The following PRKN variants were observed in gnomAD, a reference collection of about 807,000 sequenced individuals.
PRKN encodes parkin RBR E3 ubiquitin protein ligase, also known as E3 ubiquitin-protein ligase parkin.
Under a neutral mutation model 59.5 loss-of-function variants are expected in PRKN, and 56 were observed. The observed-to-expected ratio is 0.94, with a 90% CI of 0.76 to 1.18. The LOEUF is 1.18. Ranked by LOEUF, PRKN falls within the 50% of genes most tolerant of loss-of-function variation. The pLI is 0.00. For missense variants in PRKN, 657 were observed against 596.4 expected, an observed-to-expected ratio of 1.10 and a Z score of -1.06; for synonymous variants, 250 against 222.1, an observed-to-expected ratio of 1.13 and a Z score of -1.12.
chr6:162,581,791 G>A (rs996776737), intron 1 of PRKN, among the ~76,000 whole-genome samples: 1 of 152,102 alleles, frequency 6.6e-6, no homozygotes, highest in Non-Finnish European at 1.5e-5. Context: ...TAGATTTTAA[G>A]AGTTTTTCTC....
At chr6:162,026,702 G>T (rs906397641) in intron 5 of PRKN, among the ~76,000 whole-genome samples, 2 of 152,080 alleles carry the variant, frequency 1.3e-5, no homozygotes, top group Non-Finnish European at 2.9e-5. Context: ...ATCAAAATAA[G>T]TTAAATAGTA....
chr6:161,839,255 C>T (rs1468676314), intron 6 of PRKN, among the ~76,000 whole-genome samples: 1 of 152,066 alleles, frequency 6.6e-6, no homozygotes, highest in Non-Finnish European at 1.5e-5. Flanking sequence ...GTAAGCCGGA[C>T]ACTGAGACAA....
rs776385523 is a variant in PRKN, at chr6:162,556,401, G to GTGTGTGTGTGTGTGTGTC, written c.8-112929_8-112928insGACACACACACACACACA. 1.8e-3 allele frequency among the ~76,000 whole-genome samples: 240 copies of GTGTGTGTGTGTGTGTGTC among 131,206 alleles called. 3 individuals carry two copies. Among genetic ancestry groups the GTGTGTGTGTGTGTGTGTC allele is most frequent in the Admixed American group, 3.0e-3 (38 of 12,582 alleles). The allele number at this position is 131,206 out of a possible 152,430, so 86.1% of individuals were successfully genotyped here. On this transcript the variant is annotated intron_variant, in intron 1 of 11. Transcript: ENST00000366898. ...TGTGTGTGTGTGTGTGTGTGTGTGT[G>GTGTGTGTGTGTGTGTGTC]TGTCAGTTTGGCAGACGCCTTCTTT...
intron 5 of PRKN, among the ~76,000 whole-genome samples, chr6:162,009,650 T>C (rs1445987562): frequency 6.6e-6 from 1 of 151,684 alleles, no homozygotes; most frequent in African/African-American, 2.4e-5. Context: ...AAAAGTCCTC[T>C]CGCGGCTGGG....
rs553525015 is a variant in PRKN, at chr6:162,051,748, C to A, written c.618+2343G>T. On this transcript the variant is annotated intron_variant, in intron 5 of 11. Coordinates refer to ENST00000366898, the MANE Select transcript of PRKN (RefSeq NM_004562.3). The stretch of plus-strand genomic sequence containing the variant: ...ATCCTGGTGGGGCAGCTGCCGCCCC[C>A]ACATGATCAAAGAACGCAGCCTCTA... 2.0e-5 allele frequency among the ~76,000 whole-genome samples: 3 copies of A among 152,238 alleles called. No individual in the cohort carries two copies. The East Asian group carries it at 5.8e-4, about 30-fold the overall frequency.
intron 1 of PRKN, among the ~76,000 whole-genome samples, chr6:162,725,657 G>T (rs1779129524): frequency 1.3e-5 from 2 of 151,890 alleles, no homozygotes; most frequent in Admixed American, 6.6e-5. Flanking sequence ...CAGCTACTCA[G>T]GAGGCTGAGA....
chr6:161,830,031 TACC>T (rs1792418574), intron 6 of PRKN, among the ~76,000 whole-genome samples: 1 of 152,098 alleles, frequency 6.6e-6, no homozygotes, highest in South Asian at 2.1e-4. Flanking sequence ...TTGTCCCTAC[TACC>T]ATCTCTCTTA....
At chr6:162,717,048 G>C (rs184025137) in intron 1 of PRKN, among the ~76,000 whole-genome samples, 2 of 152,336 alleles carry the variant, frequency 1.3e-5, no homozygotes, top group Admixed American at 6.5e-5. Flanking sequence ...TGGAGACGAA[G>C]AGGCTATCCT....
chr6:161,946,828 T>C (rs947052027), intron 6 of PRKN, among the ~76,000 whole-genome samples: 11 of 152,190 alleles, frequency 7.2e-5, no homozygotes, highest in African/African-American at 2.7e-4. Context: ...TAAATTACAG[T>C]ACAATGGAAT....
At chr6:161,900,154 T>C (rs958903855) in intron 6 of PRKN, among the ~76,000 whole-genome samples, 1 of 151,070 alleles carries the variant, frequency 6.6e-6, no homozygotes, top group Non-Finnish European at 1.5e-5. Context: ...ATATAGATAA[T>C]CGGAAAATTT....
intron 9 of PRKN, among the ~76,000 whole-genome samples, chr6:161,520,223 TGCA>T (rs1778767867): frequency 1.0e-5 from 1 of 96,586 alleles, no homozygotes. Flanking sequence ...AATCTCTCTA[TGCA>T]TTTTTTTTTT....
intron 1 of PRKN, among the ~76,000 whole-genome samples, chr6:162,671,424 G>T (rs1053178695): frequency 6.6e-6 from 1 of 151,486 alleles, no homozygotes. Context: ...GCTTGAACCC[G>T]GAAGGCGGAG....
At chr6:162,510,789 G>A (rs1416271028) in intron 1 of PRKN, among the ~76,000 whole-genome samples, 2 of 152,012 alleles carry the variant, frequency 1.3e-5, no homozygotes, top group Non-Finnish European at 2.9e-5. Context: ...CAGGTGTGGT[G>A]GTATGCGCCT....
intron 3 of PRKN, among the ~76,000 whole-genome samples, chr6:162,250,122 G>C (rs1473959052): frequency 6.6e-6 from 1 of 151,302 alleles, no homozygotes; most frequent in African/African-American, 2.4e-5. Flanking sequence ...CTCCAGCCTG[G>C]GTTACAACAG....
At chr6:162,107,612 G>C (rs1051609617) in intron 4 of PRKN, among the ~76,000 whole-genome samples, 5 of 152,210 alleles carry the variant, frequency 3.3e-5, no homozygotes, top group African/African-American at 9.6e-5. Context: ...CACTGACCAG[G>C]AGAGGTACAT....
At chr6:162,396,754 G>GCACACA (rs143119705) in intron 2 of PRKN, among the ~76,000 whole-genome samples, 1 of 151,826 alleles carries the variant, frequency 6.6e-6, no homozygotes, top group South Asian at 2.1e-4. Context: ...ATATGCACAT[G>GCACACA]CACACACACA....
At chr6:162,127,192 G>A (rs1781159421) in intron 4 of PRKN, among the ~76,000 whole-genome samples, 2 of 152,182 alleles carry the variant, frequency 1.3e-5, no homozygotes, top group African/African-American at 2.4e-5. Flanking sequence ...TACAATGTTC[G>A]TACCAAGTTG....
At chr6:162,248,310 G>C (rs1340972941) in intron 3 of PRKN, among the ~76,000 whole-genome samples, 1 of 152,176 alleles carries the variant, frequency 6.6e-6, no homozygotes, top group African/African-American at 2.4e-5. Context: ...GAGAAACATT[G>C]ATCAAACTCT....
At chr6:161,878,484 G>A (rs1187070456) in intron 6 of PRKN, among the ~76,000 whole-genome samples, 4 of 151,966 alleles carry the variant, frequency 2.6e-5, no homozygotes, top group Non-Finnish European at 5.9e-5. Context: ...TTTTGAAATC[G>A]CACAGTACGA....
Sources: gnomAD v4.1 joint callset for allele counts (sites outside exome capture counted in the v4.1 genomes callset) on GRCh38, gnomAD v4.1.1 for gene constraint, MANE v1.5 for transcripts, NCBI Gene and HGNC (gene_info 2026-07-23, HGNC 2026-07-21) for gene names.